The following FYB1 variants were observed in gnomAD, a reference collection of about 807,000 sequenced individuals.
FYB1 encodes FYN-binding protein 1.
Under a neutral mutation model 94.1 loss-of-function variants are expected in FYB1, and 41 were observed. The ratio of observed to expected loss-of-function variants is 0.44; its 90% CI spans 0.34 to 0.57. The LOEUF (loss-of-function observed/expected upper bound fraction) is 0.57. Ranked by LOEUF, FYB1 falls within the 20% of genes least tolerant of loss-of-function variation. FYB1 has a pLI of 0.02. For missense variants in FYB1, 1,050 were observed against 976.8 expected, an observed-to-expected ratio of 1.07 and a Z score of -1.00; for synonymous variants, 367 against 353.2, an observed-to-expected ratio of 1.04 and a Z score of -0.44.
At chr5:39,169,618 G>T in intron 2 of FYB1, 1 of 450,144 alleles carries the variant, frequency 2.2e-6, no homozygotes, top group Non-Finnish European at 4.4e-6. Context: ...GCCGAGGCGG[G>T]TGGATTACCT....
chr5:39,224,741 G>T (rs1399068953), intron 1 of FYB1, among the ~76,000 whole-genome samples: 1 of 152,136 alleles, frequency 6.6e-6, no homozygotes, highest in African/African-American at 2.4e-5. Flanking sequence ...GAAGCATTAC[G>T]ATCTGCAAGC....
chr5:39,189,865 C>T (rs260333), intron 2 of FYB1, among the ~76,000 whole-genome samples: 106,298 of 151,632 alleles, frequency 0.7, 37,508 homozygotes, highest in Admixed American at 0.75. Flanking sequence ...CTGCTGAGTC[C>T]TTGTTTAGGT....
chr5:39,260,886 T>G (rs1752181040), intron 1 of FYB1, among the ~76,000 whole-genome samples: 2 of 152,092 alleles, frequency 1.3e-5, no homozygotes, highest in Non-Finnish European at 2.9e-5. Context: ...CCATATGACT[T>G]ACTTTGGCCA....
intron 2 of FYB1, among the ~76,000 whole-genome samples, chr5:39,157,598 A>G (rs1549691): frequency 0.81 from 123,012 of 152,128 alleles, 52,201 homozygotes; most frequent in Non-Finnish European, 0.94. Context: ...TAGAAGATAC[A>G]AAATAAGGGG....
At chr5:39,119,765 A>G in intron 14 of FYB1, 131 bp from the exon 15 acceptor site, 3 of 1,121,430 alleles carry the variant, frequency 2.7e-6, no homozygotes, top group Non-Finnish European at 3.5e-6. Context: ...TTAGAAATCC[A>G]GTAACTGTCA....
intron 1 of FYB1, among the ~76,000 whole-genome samples, chr5:39,263,367 A>G (rs1281065172): frequency 6.6e-6 from 1 of 152,038 alleles, no homozygotes; most frequent in Non-Finnish European, 1.5e-5. Context: ...AACTTGTCAT[A>G]GTACAGGATT....
chr5:39,159,758 C>T (rs770922007), intron 2 of FYB1, among the ~76,000 whole-genome samples: 80 of 152,124 alleles, frequency 5.3e-4, no homozygotes, highest in Non-Finnish European at 1.0e-3. Context: ...CATTTTAGTT[C>T]CCATCAGTGC....
intron 1 of FYB1, among the ~76,000 whole-genome samples, chr5:39,245,521 G>T (rs1218062380): frequency 6.6e-6 from 1 of 152,124 alleles, no homozygotes; most frequent in African/African-American, 2.4e-5. Flanking sequence ...GGGCAGAGAA[G>T]CGGGTTCTAT....
intron 3 of FYB1, among the ~76,000 whole-genome samples, chr5:39,143,145 T>C (rs1230194186): frequency 6.6e-6 from 1 of 152,194 alleles, no homozygotes; most frequent in Non-Finnish European, 1.5e-5. Context: ...CAGCCTTCTC[T>C]TCTGAGATTC....
chr5:39,135,505 C>T (rs1741605732), intron 7 of FYB1, among the ~76,000 whole-genome samples: 1 of 152,274 alleles, frequency 6.6e-6, no homozygotes, highest in South Asian at 2.1e-4. Flanking sequence ...GCAAATGTTA[C>T]ACGAGGTTTT....
At chr5:39,173,500 T>C (rs567874943) in intron 2 of FYB1, among the ~76,000 whole-genome samples, 21 of 152,230 alleles carry the variant, frequency 1.4e-4, no homozygotes, top group African/African-American at 5.1e-4. Flanking sequence ...TGGGGACTTA[T>C]CCATAAATTA....
At chr5:39,108,030 G>T (rs545171226) in intron 18 of FYB1, among the ~76,000 whole-genome samples, 5 of 151,864 alleles carry the variant, frequency 3.3e-5, no homozygotes, top group African/African-American at 9.7e-5. Context: ...AATAAATAAG[G>T]TTTTTCCTTA....
At chr5:39,241,664 G>C (rs920459475) in intron 1 of FYB1, among the ~76,000 whole-genome samples, 1 of 152,118 alleles carries the variant, frequency 6.6e-6, no homozygotes, top group South Asian at 2.1e-4. Context: ...GACCAGGTAT[G>C]GTTGAGTTGG....
intron 1 of FYB1, among the ~76,000 whole-genome samples, chr5:39,247,086 A>G (rs569653198): frequency 7.5e-6 from 1 of 133,572 alleles, no homozygotes; most frequent in South Asian, 2.4e-4. Context: ...ATATATATAT[A>G]TATATATATA....
At chr5:39,118,206 C>T (rs758999198) in intron 16 of FYB1, among the ~76,000 whole-genome samples, 3 of 152,094 alleles carry the variant, frequency 2.0e-5, no homozygotes, top group Non-Finnish European at 4.4e-5. Flanking sequence ...ACCTGGCCCC[C>T]ATCTGTCAGC....
chr5:39,243,738 G>A (rs1264462943), intron 1 of FYB1, among the ~76,000 whole-genome samples: 1 of 152,128 alleles, frequency 6.6e-6, no homozygotes, highest in Non-Finnish European at 1.5e-5. Context: ...GGGCAGTATG[G>A]CCATTTTCAC....
chr5:39,126,063 A>C lies in FYB1; in HGVS notation c.1980T>G (p.Asp660Glu). The C allele has an allele frequency of 6.2e-7, 1 of 1,613,428 alleles. No homozygotes were observed. Among genetic ancestry groups the C allele is most frequent in the East Asian group, 2.2e-5 (1 of 44,858 alleles). The change falls in exon 12 of 19, where the codon GAT becomes GAG. Residue 660 changes from aspartate to glutamate, a missense_variant. Transcript: ENST00000512982. ...TCTCTCGTATACTTTTCTTTCTGTC[A>C]TCTTTTCCCTTTAACATCTTCAAAA... ...WGILKMLKGK[D>E]DRKKSIREKP...
At chr5:39,108,155 C>A in intron 18 of FYB1, 76 bp downstream of exon 18, 1 of 1,337,026 alleles carries the variant, frequency 7.5e-7, no homozygotes, top group Non-Finnish European at 1.0e-6. Flanking sequence ...TCTAATCCAA[C>A]AAGCTATTTT....
intron 2 of FYB1, among the ~76,000 whole-genome samples, chr5:39,183,307 C>T (rs1029317488): frequency 6.6e-6 from 1 of 151,966 alleles, no homozygotes; most frequent in East Asian, 1.9e-4. Context: ...TTTTAAGGTA[C>T]GATTAAGCTC....
Sources: allele counts gnomAD v4.1 joint callset (sites outside exome capture counted in the v4.1 genomes callset), GRCh38; gene constraint gnomAD v4.1.1; transcripts MANE v1.5; gene names NCBI Gene and HGNC (gene_info 2026-07-23, HGNC 2026-07-21).